Variants in TMEM268 observed in about 807,000 individuals in gnomAD.
TMEM268 encodes transmembrane protein 268.
In TMEM268, 24 loss-of-function variants were observed where a neutral mutation model predicts 39.1. That is an observed-to-expected ratio of 0.61 (90% CI 0.44 to 0.86). The LOEUF is 0.86. TMEM268 is among the 40% of genes least tolerant of loss of function. The pLI is 0.00. For synonymous variants in TMEM268, 176 were observed against 173.5 expected (o/e 1.01, Z -0.12); for missense variants, 409 against 428.6 (o/e 0.95, Z 0.40).
chr9:114,643,183 T>C lies in TMEM268; in HGVS notation c.899T>C (p.Leu300Pro). Residue 300 changes from leucine to proline, a missense_variant, in exon 9 of 9, where the codon CTT becomes CCT. Leu to Pro is a moderately conservative substitution (Grantham distance 98, BLOSUM62 -3). Coordinates refer to ENST00000288502, the MANE Select transcript of TMEM268 (RefSeq NM_153045.4). ...GTGTTTGGCGGCTACTACATCCGGC[T>C]TCTAGTGACCTCCCAGCTCCCTCAG... ...LAVFGGYYIR[L>P]LVTSQLPQAM... The C allele has an allele frequency of 6.2e-7, 1 of 1,614,198 alleles. No homozygotes were observed. The highest frequency in any genetic ancestry group is 8.5e-7 in the Non-Finnish European group (1 of 1,180,028).
intron 8 of TMEM268, among the ~76,000 whole-genome samples, chr9:114,640,067 A>AAG (rs1330197720): frequency 6.6e-6 from 1 of 150,970 alleles, no homozygotes; most frequent in Non-Finnish European, 1.5e-5. Context: ...AAAAAAAAAA[A>AAG]AGAGAGAAAT....
chr9:114,605,356 T>C, the TMEM268 span, among the ~76,000 whole-genome samples: 2 of 152,132 alleles, frequency 1.3e-5, no homozygotes, highest in African/African-American at 4.8e-5. Flanking sequence ...GTTTTTTTTT[T>C]CCTTCTTGTG....
intron 7 of TMEM268, among the ~76,000 whole-genome samples, chr9:114,637,979 C>T (rs1846716762): frequency 6.6e-6 from 1 of 152,232 alleles, no homozygotes; most frequent in African/African-American, 2.4e-5. Flanking sequence ...TCATTTGCAA[C>T]ATATGGATAA....
At position 114,611,580 on chromosome 9, in the gene TMEM268, C is replaced by T; in HGVS notation, c.-79+16C>T. The stretch of plus-strand genomic sequence containing the variant: ...GGCGCGGGCGGTGAGTGTGCGCGGG[C>T]CCGGGCGCGCGCCCGTGTCCTGCGA... On this transcript the variant is annotated intron_variant, in intron 1 of 8. Coordinates refer to ENST00000288502, the MANE Select transcript of TMEM268 (RefSeq NM_153045.4). The T allele has an allele frequency of 6.3e-6, 1 of 157,894 alleles. No homozygotes were observed. Among genetic ancestry groups the T allele is most frequent in the East Asian group, 1.9e-4 (1 of 5,310 alleles). 9.8% of individuals were successfully genotyped at this position (157,894 alleles called of 1,614,324 possible). A position where few individuals can be genotyped will look rare whatever the true frequency, so the allele number is the denominator to read the frequency against.
the TMEM268 span, among the ~76,000 whole-genome samples, chr9:114,605,346 G>GTT: frequency 1.3e-5 from 2 of 149,124 alleles, no homozygotes; most frequent in Non-Finnish European, 3.0e-5. Context: ...TTTTTTTCTG[G>GTT]TTTTTTTTTT....
chr9:114,636,943 T>C, intron 6 of TMEM268, 47 bp from the exon 7 acceptor site: 1 of 1,276,870 alleles, frequency 7.8e-7, no homozygotes, highest in Non-Finnish European at 1.1e-6. Flanking sequence ...GAGTTCAGGG[T>C]TGGGCTGCCC....
intron 8 of TMEM268, among the ~76,000 whole-genome samples, chr9:114,640,449 A>G (rs934558858): frequency 1.3e-5 from 2 of 152,208 alleles, no homozygotes; most frequent in Non-Finnish European, 2.9e-5. Flanking sequence ...GATTTTTCTC[A>G]TGCATAAAAT....
intron 2 of TMEM268, chr9:114,622,389 T>C: frequency 1.0e-6 from 1 of 985,300 alleles, no homozygotes; most frequent in Non-Finnish European, 1.2e-6. Context: ...CTGGAATCTC[T>C]CCCACCCCCC....
rs1327646111 is a variant in TMEM268 at position 114,626,947 on chromosome 9, C to T, written c.265C>T (p.Pro89Ser). Residue 89 changes from proline to serine, a missense_variant, in exon 4 of 9, where the codon CCC becomes TCC. Coordinates refer to ENST00000288502, the MANE Select transcript of TMEM268 (RefSeq NM_153045.4). ...CTTGGCTGAGAGTGCCCTCTTGGAGCCCCAAGTGAGAAGATATATCATCTA... is the reference window on the plus strand; with the variant it reads ...CTTGGCTGAGAGTGCCCTCTTGGAGTCCCAAGTGAGAAGATATATCATCTA... ...RSLAESALLE[P>S]QVRRYIIYNS... 2 of 1,613,732 alleles carry T rather than the reference C, an allele frequency of 1.2e-6. No homozygotes were observed. Among genetic ancestry groups the T allele is most frequent in the South Asian group, 2.2e-5 (2 of 91,064 alleles).
chr9:114,625,017 G>T (rs562048363), intron 3 of TMEM268, among the ~76,000 whole-genome samples: 1 of 152,316 alleles, frequency 6.6e-6, no homozygotes, highest in East Asian at 1.9e-4. Flanking sequence ...TAATGATGCA[G>T]TACCTTCAAG....
chr9:114,625,328 A>G (rs903835364), intron 3 of TMEM268, among the ~76,000 whole-genome samples: 3 of 152,204 alleles, frequency 2.0e-5, no homozygotes, highest in Non-Finnish European at 2.9e-5. Context: ...AAAGCCCCCA[A>G]CATGATCAGG....
At chr9:114,632,561 G>A (rs1846447871) in intron 5 of TMEM268, among the ~76,000 whole-genome samples, 2 of 152,220 alleles carry the variant, frequency 1.3e-5, no homozygotes, top group South Asian at 4.1e-4. Context: ...TGAATGCGTG[G>A]CGTCCATTGG....
intron 8 of TMEM268, among the ~76,000 whole-genome samples, chr9:114,639,725 A>G (rs940883281): frequency 6.6e-6 from 1 of 151,174 alleles, no homozygotes. Flanking sequence ...TACTATTTAA[A>G]AGAGAAAATG....
At position 114,617,248 on chromosome 9, in the gene TMEM268, C is replaced by G; in HGVS notation, c.53C>G (p.Ser18Cys). The change falls in exon 2 of 9, where the codon TCC becomes TGC. Residue 18 changes from serine to cysteine, a missense_variant. Ser to Cys is a moderately radical substitution (Grantham distance 112). Transcript: ENST00000288502. ...DPGATGPLPP[S>C]SPGWSALPGG... ...GGGGCCACTGGCCCATTGCCCCCCT[C>G]CTCCCCTGGCTGGAGTGCCCTGCCT... The G allele has an allele frequency of 6.2e-7, 1 of 1,613,228 alleles. No individual in the cohort carries two copies.
At chr9:114,625,943 C>G (rs1846143299) in intron 3 of TMEM268, among the ~76,000 whole-genome samples, 4 of 151,978 alleles carry the variant, frequency 2.6e-5, no homozygotes, top group African/African-American at 9.7e-5. Flanking sequence ...TCTCCTGCCT[C>G]AGCCTCCCGA....
intron 2 of TMEM268, among the ~76,000 whole-genome samples, chr9:114,618,950 A>G (rs1845839569): frequency 6.6e-6 from 1 of 152,220 alleles, no homozygotes; most frequent in South Asian, 2.1e-4. Flanking sequence ...TGCTCAATCA[A>G]TATTTTGTTG....
At position 114,643,161 on chromosome 9, in the gene TMEM268, T is replaced by C; in HGVS notation, c.877T>C (p.Phe293Leu). The change falls in exon 9 of 9, where the codon TTT (phenylalanine) becomes CTT (leucine). Residue 293 changes from phenylalanine (F) to leucine (L), a missense_variant. Physicochemically the swap from Phe to Leu is conservative, Grantham distance 22. Transcript: ENST00000288502. ...EEMARQLLAV[F>L]GGYYIRLLVT... ...AATGGCCCGCCAGCTGCTGGCAGTG[T>C]TTGGCGGCTACTACATCCGGCTTCT... 1.9e-6 allele frequency: 3 copies of C among 1,614,158 alleles called. No individual in the cohort carries two copies. The highest frequency in any genetic ancestry group is 2.5e-6 in the Non-Finnish European group (3 of 1,180,008).
intron 2 of TMEM268, among the ~76,000 whole-genome samples, chr9:114,621,442 G>A (rs1200729658): frequency 1.3e-5 from 2 of 152,176 alleles, no homozygotes; most frequent in African/African-American, 2.4e-5. Flanking sequence ...ATCAGATCAG[G>A]GGATTCAGTG....
upstream of TMEM268, among the ~76,000 whole-genome samples, chr9:114,610,453 G>T (rs573299842): frequency 6.6e-6 from 1 of 152,222 alleles, no homozygotes; most frequent in Non-Finnish European, 1.5e-5. Flanking sequence ...CGTTCTGGCC[G>T]ATGAGCGCCA....
Sources: gnomAD v4.1 joint callset for allele counts (sites outside exome capture counted in the v4.1 genomes callset) on GRCh38, gnomAD v4.1.1 for gene constraint, MANE v1.5 for transcripts, NCBI Gene and HGNC (gene_info 2026-07-23, HGNC 2026-07-21) for gene names.